SNX13: variants seen among roughly 807,000 people sequenced by gnomAD.
The protein encoded by SNX13 is sorting nexin-13.
A neutral mutation model predicts 133.6 loss-of-function variants in SNX13; 45 were observed. The observed-to-expected ratio is 0.34, with a 90% CI of 0.27 to 0.43. SNX13 has a LOEUF of 0.43. Ranked by LOEUF, SNX13 falls within the 20% of genes least tolerant of loss-of-function variation. SNX13 has a pLI of 1.00. For synonymous variants in SNX13, 414 were observed against 373.9 expected (o/e 1.11, Z -1.24); for missense variants, 1,032 against 1,145.1 (o/e 0.90, Z 1.43).
chr7:17,861,260 G>A (rs946119649), intron 9 of SNX13, among the ~76,000 whole-genome samples: 21 of 151,598 alleles, frequency 1.4e-4, no homozygotes, highest in Non-Finnish European at 1.6e-4. Context: ...CTTTCACCCC[G>A]CCCCTGCCAG....
At chr7:17,812,147 T>C (rs1161859610) in intron 20 of SNX13, among the ~76,000 whole-genome samples, 4 of 151,744 alleles carry the variant, frequency 2.6e-5, no homozygotes, top group Admixed American at 2.6e-4. Context: ...AATTGACAAA[T>C]GGGATCTAAA....
intron 1 of SNX13, 60 bp downstream of exon 1, chr7:17,940,224 G>A (rs778565759): frequency 4.5e-6 from 7 of 1,550,700 alleles, no homozygotes; most frequent in Admixed American, 3.9e-5. Context: ...GTTCTCTGAC[G>A]GGCTGGCGCC....
At chr7:17,871,247 C>T (rs950900871) in intron 8 of SNX13, among the ~76,000 whole-genome samples, 5 of 152,048 alleles carry the variant, frequency 3.3e-5, no homozygotes, top group Admixed American at 2.0e-4. Flanking sequence ...CCTCGTGATC[C>T]GCCCACCTTG....
rs183076622 is a variant in SNX13 at position 17,894,259 on chromosome 7, C to T, written c.126-825G>A. Among the ~76,000 whole-genome samples the T allele has an allele frequency of 3.8e-3, 569 of 151,502 alleles. 5 individuals carry two copies. The highest frequency in any genetic ancestry group is 5.9e-3 in the Non-Finnish European group (399 of 67,920). The stretch of plus-strand genomic sequence containing the variant: ...CAGAGGATGCAGTGAGCCGAGATCG[C>T]GCCACTGCACTCTAGCGACAGAGTA... On this transcript the variant is annotated intron_variant, in intron 2 of 25. Coordinates refer to ENST00000428135, the MANE Select transcript of SNX13 (RefSeq NM_015132.5).
At chr7:17,889,079 A>C (rs1796331764) in intron 5 of SNX13, 1 of 165,818 alleles carries the variant, frequency 6.0e-6, no homozygotes, top group Admixed American at 6.3e-5. Context: ...GAAAGCAATA[A>C]AAAATATTTA....
chr7:17,933,763 G>A lies in SNX13; in HGVS notation c.12+6521C>T, dbSNP rs559593691. Among the ~76,000 whole-genome samples the A allele has an allele frequency of 2.7e-5, 4 of 147,354 alleles. No individual in the cohort carries two copies. In the East Asian group the frequency reaches 6.0e-4, roughly 22 times the overall value. On this transcript the variant is annotated intron_variant, in intron 1 of 25. Transcript: ENST00000428135. Reference sequence around the variant, plus strand: ...ATAGTGAGCAATAAAACTACATGGAGCCTAGGATTTACATTCATTAGTACA... The same window carrying A: ...ATAGTGAGCAATAAAACTACATGGAACCTAGGATTTACATTCATTAGTACA...
intron 15 of SNX13, chr7:17,831,950 A>G: frequency 2.0e-6 from 2 of 983,914 alleles, no homozygotes; most frequent in Non-Finnish European, 2.4e-6. Flanking sequence ...TATTATACCC[A>G]TCACTCCATA....
chr7:17,930,665 A>G (rs902636516), intron 1 of SNX13, among the ~76,000 whole-genome samples: 6 of 152,186 alleles, frequency 3.9e-5, no homozygotes, highest in African/African-American at 1.4e-4. Flanking sequence ...ATATTATTTC[A>G]GTTTCTTTTC....
intron 9 of SNX13, among the ~76,000 whole-genome samples, chr7:17,863,482 GC>G (rs1792994786): frequency 6.6e-6 from 1 of 152,194 alleles, no homozygotes; most frequent in Admixed American, 6.5e-5. Context: ...TAACAGCTCA[GC>G]CGCAGTAAAA....
At chr7:17,847,237 A>G (rs769902938) in intron 11 of SNX13, among the ~76,000 whole-genome samples, 2 of 38,742 alleles carry the variant, frequency 5.2e-5, no homozygotes, top group African/African-American at 7.5e-4. Flanking sequence ...ACAAAGGTGC[A>G]CACACACACA....
intron 22 of SNX13, among the ~76,000 whole-genome samples, chr7:17,801,036 A>ATG (rs1554302669): frequency 1.4e-4 from 3 of 21,092 alleles, no homozygotes; most frequent in African/African-American, 4.3e-4. Context: ...ATATATATAT[A>ATG]TATATATATA....
chr7:17,853,812 G>A (rs901872250), intron 9 of SNX13, among the ~76,000 whole-genome samples: 1 of 151,968 alleles, frequency 6.6e-6, no homozygotes, highest in African/African-American at 2.4e-5. Flanking sequence ...CATGCTGGTG[G>A]GCACCTGTAA....
At chr7:17,856,196 T>C (rs1479548258) in intron 9 of SNX13, among the ~76,000 whole-genome samples, 1 of 152,256 alleles carries the variant, frequency 6.6e-6, no homozygotes, top group Non-Finnish European at 1.5e-5. Context: ...TAAAGTTCTT[T>C]ACAATTTTCT....
chr7:17,832,321 A>C (rs1392193127), intron 15 of SNX13: 1 of 984,522 alleles, frequency 1.0e-6, no homozygotes. Context: ...CTAGAAATCC[A>C]TTTAAAGGAC....
At chr7:17,800,571 T>C (rs1784506764) in intron 22 of SNX13, among the ~76,000 whole-genome samples, 1 of 151,824 alleles carries the variant, frequency 6.6e-6, no homozygotes, top group Non-Finnish European at 1.5e-5. Flanking sequence ...TTATAGGACA[T>C]CTCTGTGACC....
rs184419259 is a variant in SNX13 at position 17,918,802 on chromosome 7, C to T, written c.13-21356G>A. Among the ~76,000 whole-genome samples, 36 of 152,288 alleles carry T rather than the reference C, an allele frequency of 2.4e-4. No homozygotes were observed. In the East Asian group the frequency reaches 4.6e-3, roughly 20 times the overall value. On this transcript the variant is annotated intron_variant, in intron 1 of 25. Coordinates refer to ENST00000428135, the MANE Select transcript of SNX13 (RefSeq NM_015132.5). ...TTTCTACCAAAAGGTAATCTGCACTCATATGTTTATCACAGTACTATTCAC... is the reference window on the plus strand; with the variant it reads ...TTTCTACCAAAAGGTAATCTGCACTTATATGTTTATCACAGTACTATTCAC...
At chr7:17,875,062 A>G (rs1425301699) in intron 7 of SNX13, among the ~76,000 whole-genome samples, 1 of 152,148 alleles carries the variant, frequency 6.6e-6, no homozygotes, top group African/African-American at 2.4e-5. Context: ...GCTGGAGTGC[A>G]ATAGCATGAT....
chr7:17,840,904 C>T (rs1432152014), intron 12 of SNX13, among the ~76,000 whole-genome samples: 1 of 152,002 alleles, frequency 6.6e-6, no homozygotes, highest in East Asian at 1.9e-4. Flanking sequence ...TGAAGATTTG[C>T]AACATTTAAG....
At chr7:17,814,712 A>G in intron 20 of SNX13, 122 bp downstream of exon 20, 1 of 747,278 alleles carries the variant, frequency 1.3e-6, no homozygotes, top group Non-Finnish European at 2.0e-6. Flanking sequence ...ACATGCCGAG[A>G]ACTTAATAAA....
Sources: allele counts gnomAD v4.1 joint callset (sites outside exome capture counted in the v4.1 genomes callset), GRCh38; gene constraint gnomAD v4.1.1; transcripts MANE v1.5; gene names NCBI Gene and HGNC (gene_info 2026-07-23, HGNC 2026-07-21).